SLC23A3: variants seen among roughly 807,000 people sequenced by gnomAD.
SLC23A3 encodes solute carrier family 23 member 3.
A neutral mutation model predicts 64.7 loss-of-function variants in SLC23A3; 41 were observed. The ratio of observed to expected loss-of-function variants is 0.63; its 90% CI spans 0.49 to 0.82. The LOEUF is 0.82. Ranked by LOEUF, SLC23A3 falls within the 40% of genes least tolerant of loss-of-function variation. The probability of loss-of-function intolerance (pLI) is 0.00; values close to 1 mark genes in which losing one functional copy is unlikely to be tolerated. For missense variants in SLC23A3, 647 were observed against 733.4 expected (o/e 0.88, Z 1.36); for synonymous variants, 281 against 306.8 (o/e 0.92, Z 0.88).
At position 219,168,550 on chromosome 2, in the gene SLC23A3, C is replaced by G. The variant is rs1950027024; in HGVS notation, c.674+102G>C. 2.4e-6 allele frequency: 3 copies of G among 1,237,348 alleles called. No homozygotes were observed. In the East Asian group the frequency reaches 7.6e-5, roughly 31 times the overall value. The allele number at this position is 1,237,348 out of a possible 1,614,324, so 76.6% of individuals were successfully genotyped here. A position where few individuals can be genotyped will look rare whatever the true frequency, so the allele number is the denominator to read the frequency against. ...TCCAAATATAAAATATGTCCCTATT[C>G]CAGTCGCTGCTGAATCTGATAGGAC... On this transcript the variant is annotated intron_variant, in intron 5 of 11. Transcript: ENST00000409878.
rs201624694 is a variant in SLC23A3 at position 219,162,050 on chromosome 2, G to A, written c.1692C>T (p.Leu564=). ...QNLCPCIPQP[L]HCLCPLPEDP... is the part of the protein sequence containing the mutation. ...CTTCAGGCAGTGGGCAGAGGCAGTGGAGAGGCTGGGGGATGCAGGGACAGA... is the reference window on the plus strand; with the variant it reads ...CTTCAGGCAGTGGGCAGAGGCAGTGAAGAGGCTGGGGGATGCAGGGACAGA... The change falls in exon 12 of 12, where the codon CTC becomes CTT. Residue 564 remains leucine (L), a synonymous_variant. Coordinates refer to ENST00000409878, the MANE Select transcript of SLC23A3 (RefSeq NM_001144889.2). 1.2e-6 allele frequency: 2 copies of A among 1,614,106 alleles called. No individual in the cohort carries two copies. Among genetic ancestry groups the A allele is most frequent in the African/African-American group, 2.7e-5 (2 of 74,942 alleles).
chr2:219,169,940 G>T lies in SLC23A3; in HGVS notation c.45C>A (p.Gly15=), dbSNP rs769341691. The T allele has an allele frequency of 1.9e-6, 3 of 1,613,926 alleles. No individual in the cohort carries two copies. The highest frequency in any genetic ancestry group is 2.5e-6 in the Non-Finnish European group (3 of 1,179,964). The change falls in exon 1 of 12, where the codon GGC becomes GGA. Residue 15 remains glycine (G), a synonymous_variant. Transcript: ENST00000409878. This position sits in a 1 kb window ranked among gnomAD's most constrained non-coding sequence, Gnocchi z 4.5. The part of the protein sequence containing the change: ...PLNPSQLRSV[G]SQDALAPLPP... ...GCAAGGGGGCCAGGGCATCCTGGGAGCCCACTGATCGGAGTTGGCTGGGAT... is the reference window on the plus strand; with the variant it reads ...GCAAGGGGGCCAGGGCATCCTGGGATCCCACTGATCGGAGTTGGCTGGGAT...
intron 9 of SLC23A3, 59 bp downstream of exon 9, chr2:219,164,174 G>A: frequency 8.3e-7 from 1 of 1,197,624 alleles, no homozygotes; most frequent in South Asian, 1.3e-5. Flanking sequence ...CTAAAGAACT[G>A]ATCAGGCCAC....
chr2:219,162,275 T>C (rs1449896221), intron 11 of SLC23A3, 24 bp downstream of exon 11: 1 of 1,613,678 alleles, frequency 6.2e-7, no homozygotes, highest in African/African-American at 1.3e-5. Context: ...CTCCCCAGTC[T>C]GCTAGGGCCT....
At chr2:219,162,949 A>G (rs1949964869) in intron 10 of SLC23A3, among the ~76,000 whole-genome samples, 1 of 152,230 alleles carries the variant, frequency 6.6e-6, no homozygotes, top group Admixed American at 6.5e-5. Flanking sequence ...ACTGGGTGAG[A>G]CAAATTAAGC....
rs1178947948 is a variant in SLC23A3, at chr2:219,169,861, A to G, written c.124T>C (p.Ser42Pro). Residue 42 changes from serine (S) to proline (P), a missense_variant, in exon 1 of 12, where the codon TCT (serine) becomes CCT (proline). Physicochemically the swap from Ser to Pro is moderately conservative, Grantham distance 74. Transcript: ENST00000409878. The surrounding 1 kb of genome is among the most constrained non-coding windows in gnomAD (Gnocchi z 4.5). ...STHSWDPLCGSLPWGLSCLLA... is the reference protein window; with the variant it reads ...STHSWDPLCGPLPWGLSCLLA... ...AGACAGCTGAGGCCCCAAGGCAGAG[A>G]TCCACACAAAGGGTCCCAAGAGTGG... 1 of 1,613,884 alleles carries G rather than the reference A, an allele frequency of 6.2e-7. No homozygotes were observed. Among genetic ancestry groups the G allele is most frequent in the Non-Finnish European group, 8.5e-7 (1 of 1,179,902 alleles).
At chr2:219,168,165 C>G (rs779063210) in intron 6 of SLC23A3, 30 bp downstream of exon 6, 1 of 1,610,574 alleles carries the variant, frequency 6.2e-7, no homozygotes, top group Non-Finnish European at 8.5e-7. Context: ...CCCTTCTGAC[C>G]TCTACTGCCC....
chr2:219,162,490 A>G, intron 10 of SLC23A3, 96 bp from the exon 11 acceptor site: 1 of 834,614 alleles, frequency 1.2e-6, no homozygotes. Context: ...GCCTTGGACT[A>G]AGGACAGATC....
chr2:219,168,449 G>C, intron 5 of SLC23A3, 131 bp from the exon 6 acceptor site: 1 of 1,232,764 alleles, frequency 8.1e-7, no homozygotes, highest in Non-Finnish European at 1.1e-6. Flanking sequence ...GGAAGGAATA[G>C]GAAGTGACCT....
In SLC23A3 at chr2:219,169,241, A is replaced by C; in HGVS notation, c.418+68T>G. ...ACTGCCCAATCTCAATTCTGCACCCACCTACACCTGCATGCTCAGATGAGA... is the reference window on the plus strand; with the variant it reads ...ACTGCCCAATCTCAATTCTGCACCCCCCTACACCTGCATGCTCAGATGAGA... On this transcript the variant is annotated intron_variant, in intron 3 of 11. Transcript: ENST00000409878. This position sits in a 1 kb window ranked among gnomAD's most constrained non-coding sequence, Gnocchi z 4.5. The C allele has an allele frequency of 6.2e-7, 1 of 1,613,146 alleles. No individual in the cohort carries two copies. The highest frequency in any genetic ancestry group is 1.1e-5 in the South Asian group (1 of 91,014).
chr2:219,168,981 C>A, intron 4 of SLC23A3, 48 bp downstream of exon 4: 6 of 1,588,108 alleles, frequency 3.8e-6, no homozygotes, highest in African/African-American at 1.3e-5. Flanking sequence ...CAAGAGCCCC[C>A]CCCAAGCCTG....
At chr2:219,165,074 G>A (rs1403282726) in intron 8 of SLC23A3, 95 bp downstream of exon 8, 1 of 1,463,332 alleles carries the variant, frequency 6.8e-7, no homozygotes, top group South Asian at 1.3e-5. Flanking sequence ...GATGTGAGGT[G>A]CTAGGCACAC....
At chr2:219,165,476 CT>C in intron 7 of SLC23A3, 54 bp from the exon 8 acceptor site, 1 of 1,514,150 alleles carries the variant, frequency 6.6e-7, no homozygotes, top group South Asian at 1.3e-5. Flanking sequence ...GGAGTACCCC[CT>C]GCCTCCAACA....
In SLC23A3 at chr2:219,161,672, A is replaced by T; in HGVS notation, c.*237T>A. 2 of 417,552 alleles carry T rather than the reference A, an allele frequency of 4.8e-6. No individual in the cohort carries two copies. The highest frequency in any genetic ancestry group is 4.3e-6 in the Non-Finnish European group (1 of 235,066). 25.9% of individuals were successfully genotyped at this position (417,552 alleles called of 1,614,324 possible). Reference sequence around the variant, plus strand: ...GGGGTTCAAGTGGCATTGATAGTACACAGGCAAAATCTCAATCATTCATGG... The same window carrying T: ...GGGGTTCAAGTGGCATTGATAGTACTCAGGCAAAATCTCAATCATTCATGG... On this transcript the variant is annotated 3_prime_UTR_variant, in exon 12 of 12. Coordinates refer to ENST00000409878, the MANE Select transcript of SLC23A3 (RefSeq NM_001144889.2).
Position 219,165,152 on chromosome 2 carries a change from A to G in SLC23A3, c.1167+17T>C, listed in dbSNP as rs772154406. On this transcript the variant is annotated intron_variant, in intron 8 of 11. Transcript: ENST00000409878. ...TCTAGCTCCATCCTACCCCACTCCC[A>G]TCCCAGGTCCACGTACCTGGATAAG... is the stretch of plus-strand genomic sequence containing the variant. 5 of 1,550,864 alleles carry G rather than the reference A, an allele frequency of 3.2e-6. No individual in the cohort carries two copies. In the African/African-American group the frequency reaches 6.8e-5, roughly 21 times the overall value.
rs1293308937 is a variant in SLC23A3, at chr2:219,169,540, G to T, written c.301C>A (p.Gln101Lys). 5 of 1,614,178 alleles carry T rather than the reference G, an allele frequency of 3.1e-6. No individual in the cohort carries two copies. Among genetic ancestry groups the T allele is most frequent in the Non-Finnish European group, 4.2e-6 (5 of 1,180,034 alleles). The change falls in exon 2 of 12, where the codon CAA (glutamine) becomes AAA (lysine). Residue 101 changes from glutamine to lysine, a missense_variant. Physicochemically the swap from Gln to Lys is moderately conservative, Grantham distance 53. Coordinates refer to ENST00000409878, the MANE Select transcript of SLC23A3 (RefSeq NM_001144889.2). This position sits in a 1 kb window ranked among gnomAD's most constrained non-coding sequence, Gnocchi z 4.5. ...FFSCGMSTIL[Q>K]TWMGSRLPLV... ...TCTCACCTGCTGCCCATCCAAGTTT[G>T]CAGGATGGTAGACATACCACATGAA...
chr2:219,169,717 G>A lies in SLC23A3; in HGVS notation c.163-39C>T. ...AATGGGGAGGGCAGTCTTCAGAGAA[G>A]TGGAAATACCTACAATACTTCCAGA... On this transcript the variant is annotated intron_variant, in intron 1 of 11. Coordinates refer to ENST00000409878, the MANE Select transcript of SLC23A3 (RefSeq NM_001144889.2). This position sits in a 1 kb window ranked among gnomAD's most constrained non-coding sequence, Gnocchi z 4.5. 2 of 1,613,268 alleles carry A rather than the reference G, an allele frequency of 1.2e-6. No individual in the cohort carries two copies. The highest frequency in any genetic ancestry group is 1.7e-6 in the Non-Finnish European group (2 of 1,179,604).
chr2:219,168,614 C>G, intron 5 of SLC23A3, 38 bp downstream of exon 5: 1 of 1,599,248 alleles, frequency 6.3e-7, no homozygotes, highest in Non-Finnish European at 8.5e-7. Context: ...CATACACCCC[C>G]ACTGGGCACC....
chr2:219,167,230 C>G (rs887703822), intron 7 of SLC23A3, among the ~76,000 whole-genome samples: 2 of 152,068 alleles, frequency 1.3e-5, no homozygotes, highest in Middle Eastern at 3.2e-3. Flanking sequence ...ATGCTCTCAG[C>G]CTGGGTAACA....
Sources: gnomAD v4.1 joint callset for allele counts (sites outside exome capture counted in the v4.1 genomes callset) on GRCh38, gnomAD v4.1.1 for gene constraint, Gnocchi (gnomAD v3.1) non-coding constraint, MANE v1.5 for transcripts, NCBI Gene and HGNC (gene_info 2026-07-23, HGNC 2026-07-21) for gene names.